Variants in PPM1L observed in about 807,000 individuals in gnomAD.
The protein encoded by PPM1L is protein phosphatase, Mg2+/Mn2+ dependent 1L.
In PPM1L, 13 loss-of-function variants were observed where a neutral mutation model predicts 31.4. That is an observed-to-expected ratio of 0.41 (90% CI 0.27 to 0.66). The LOEUF is 0.66. PPM1L is among the 30% of genes least tolerant of loss of function. The pLI is 0.29. For missense variants in PPM1L, 326 were observed against 453.7 expected (o/e 0.72, Z 2.56); for synonymous variants, 184 against 175.4 (o/e 1.05, Z -0.39).
intron 2 of PPM1L, among the ~76,000 whole-genome samples, chr3:161,045,709 G>A: frequency 6.6e-6 from 1 of 152,074 alleles, no homozygotes; most frequent in African/African-American, 2.4e-5. Context: ...ACAATTAAAG[G>A]TACTAGAGAA....
In PPM1L at chr3:160,961,873, A is replaced by C. The variant is rs1400991685; in HGVS notation, c.537A>C (p.Glu179Asp). Residue 179 changes from glutamate (E) to aspartate (D), a missense_variant, in exon 2 of 4, where the codon GAA becomes GAC. By Grantham distance (45) the Glu-to-Asp change is conservative (BLOSUM62 2). Coordinates refer to ENST00000498165, the MANE Select transcript of PPM1L (RefSeq NM_139245.4). ...AGCAGATTTTGTCAATTGACCGAGA[A>C]ATGCTAGAAAAATTGACTGTATCCT... ...LEQQILSIDR[E>D]MLEKLTVSYD... 1 of 1,593,314 alleles carries C rather than the reference A, an allele frequency of 6.3e-7. No homozygotes were observed. Among genetic ancestry groups the C allele is most frequent in the Admixed American group, 1.8e-5 (1 of 56,180 alleles).
At chr3:161,021,086 T>C (rs2108072031) in intron 2 of PPM1L, among the ~76,000 whole-genome samples, 1 of 152,094 alleles carries the variant, frequency 6.6e-6, no homozygotes, top group Non-Finnish European at 1.5e-5. Context: ...TTTTCTTTCT[T>C]CTTTGGGGTT....
intron 1 of PPM1L, among the ~76,000 whole-genome samples, chr3:160,922,127 G>A (rs552654176): frequency 6.8e-4 from 104 of 152,130 alleles, no homozygotes; most frequent in Non-Finnish European, 1.1e-3. Flanking sequence ...TGGCTAACAC[G>A]GTGAAACCCC....
chr3:160,884,170 G>A (rs1216208507), intron 1 of PPM1L, among the ~76,000 whole-genome samples: 1 of 152,056 alleles, frequency 6.6e-6, no homozygotes, highest in Non-Finnish European at 1.5e-5. Context: ...GAAGACCTAC[G>A]GTTATGTAAA....
intron 1 of PPM1L, among the ~76,000 whole-genome samples, chr3:160,771,570 TAA>T (rs1164086246): frequency 2.2e-5 from 3 of 139,256 alleles, no homozygotes; most frequent in East Asian, 2.0e-4. Context: ...TTTTTTTTTT[TAA>T]AAAGAGCATA....
chr3:160,901,088 T>C (rs1713524378), intron 1 of PPM1L, among the ~76,000 whole-genome samples: 1 of 152,148 alleles, frequency 6.6e-6, no homozygotes, highest in African/African-American at 2.4e-5. Flanking sequence ...CTCAACTCTC[T>C]TTTCTTCTGT....
At chr3:160,891,585 A>G (rs1162186996) in intron 1 of PPM1L, among the ~76,000 whole-genome samples, 2 of 152,174 alleles carry the variant, frequency 1.3e-5, no homozygotes, top group African/African-American at 2.4e-5. Context: ...GCAAGACAGC[A>G]TGGCGATTCC....
intron 2 of PPM1L, among the ~76,000 whole-genome samples, chr3:161,016,815 G>A (rs1559925965): frequency 6.6e-6 from 1 of 152,160 alleles, no homozygotes; most frequent in Non-Finnish European, 1.5e-5. Context: ...ATAACAATAT[G>A]TGGATGGTGT....
intron 2 of PPM1L, among the ~76,000 whole-genome samples, chr3:161,046,936 A>G (rs1719099672): frequency 6.6e-6 from 1 of 152,186 alleles, no homozygotes; most frequent in East Asian, 1.9e-4. Context: ...GATGGGACGT[A>G]TCTCAAAATA....
intron 1 of PPM1L, among the ~76,000 whole-genome samples, chr3:160,906,634 C>CAGAACAGAA (rs59599894): frequency 8.3e-6 from 1 of 120,906 alleles, no homozygotes; most frequent in African/African-American, 4.4e-5. Context: ...AAGAAAAGAA[C>CAGAACAGAA]CCAGGCACAA....
rs1433131231 is a variant in PPM1L at position 161,073,149 on chromosome 3, G to A, written c.*3992G>A. 6.6e-6 allele frequency: 1 copy of A among 152,196 alleles called. No individual in the cohort carries two copies. 9.4% of individuals were successfully genotyped at this position (152,196 alleles called of 1,614,324 possible). A position where few individuals can be genotyped will look rare whatever the true frequency, so the allele number is the denominator to read the frequency against. On this transcript the variant is annotated 3_prime_UTR_variant, in exon 4 of 4. Transcript: ENST00000498165. ...AATATAGGATTCTAGGATGAAATAA[G>A]TTTGGAAAACACATACCATCTTAGA...
Position 160,911,309 on chromosome 3 carries a change from G to A in PPM1L, c.400-50427G>A, listed in dbSNP as rs983065664. The stretch of plus-strand genomic sequence containing the variant: ...GATTGAGGGTGAGGTTGTATGTTAT[G>A]TATCTCTGATGGAGATTTTGAGGGG... On this transcript the variant is annotated intron_variant, in intron 1 of 3. Coordinates refer to ENST00000498165, the MANE Select transcript of PPM1L (RefSeq NM_139245.4). Among the ~76,000 whole-genome samples, 4 of 152,320 alleles carry A rather than the reference G, an allele frequency of 2.6e-5. 1 individual carries two copies. In the Middle Eastern group the frequency reaches 0.01, roughly 389 times the overall value.
intron 1 of PPM1L, among the ~76,000 whole-genome samples, chr3:160,900,608 A>G (rs187579426): frequency 2.0e-5 from 3 of 152,142 alleles, no homozygotes; most frequent in South Asian, 2.1e-4. Context: ...ATCATTATCT[A>G]TATAGGTGTA....
chr3:160,885,989 C>G (rs1365611341), intron 1 of PPM1L, among the ~76,000 whole-genome samples: 1 of 152,194 alleles, frequency 6.6e-6, no homozygotes, highest in East Asian at 1.9e-4. Flanking sequence ...ATCTCTATAG[C>G]TCCAGGCCAC....
intron 1 of PPM1L, among the ~76,000 whole-genome samples, chr3:160,876,967 A>C (rs1423166240): frequency 1.3e-5 from 2 of 152,216 alleles, no homozygotes; most frequent in African/African-American, 4.8e-5. Context: ...CCCCAACAAC[A>C]AGGAAAAGGT....
At chr3:161,056,096 A>T (rs1719400324) in intron 2 of PPM1L, among the ~76,000 whole-genome samples, 1 of 152,102 alleles carries the variant, frequency 6.6e-6, no homozygotes, top group Non-Finnish European at 1.5e-5. Context: ...TGCCTACAGA[A>T]AGGTTGGAGG....
At chr3:160,823,509 G>A (rs1325732337) in intron 1 of PPM1L, among the ~76,000 whole-genome samples, 6 of 151,494 alleles carry the variant, frequency 4.0e-5, no homozygotes, top group African/African-American at 9.7e-5. Context: ...CACTATGCCC[G>A]GCCTAAATGA....
intron 1 of PPM1L, among the ~76,000 whole-genome samples, chr3:160,931,484 T>C (rs1345156): frequency 6.6e-6 from 1 of 152,072 alleles, no homozygotes. Flanking sequence ...AGTGGTGAAA[T>C]AGAGTTTGCT....
chr3:160,866,033 C>T (rs902546518), intron 1 of PPM1L, among the ~76,000 whole-genome samples: 32 of 152,120 alleles, frequency 2.1e-4, no homozygotes, highest in African/African-American at 7.7e-4. Context: ...ATCAAATAAC[C>T]AAGTTGACAA....
Sources: allele counts gnomAD v4.1 joint callset (sites outside exome capture counted in the v4.1 genomes callset), GRCh38; gene constraint gnomAD v4.1.1; transcripts MANE v1.5; gene names NCBI Gene and HGNC (gene_info 2026-07-23, HGNC 2026-07-21).